The following FBXL20 variants were observed in gnomAD, a reference collection of about 807,000 sequenced individuals.
FBXL20 encodes the protein F-box and leucine rich repeat protein 20.
Under a neutral mutation model 64.0 loss-of-function variants are expected in FBXL20, and 11 were observed. The observed-to-expected ratio is 0.17, with a 90% confidence interval of 0.11 to 0.28. The LOEUF (loss-of-function observed/expected upper bound fraction) is 0.28. Ranked by LOEUF, FBXL20 falls within the 10% of genes least tolerant of loss-of-function variation. The probability of loss-of-function intolerance (pLI) is 1.00; values close to 1 mark genes in which losing one functional copy is unlikely to be tolerated. For missense variants in FBXL20, 303 were observed against 526.2 expected, an observed-to-expected ratio of 0.58 and a Z score of 4.15; for synonymous variants, 184 against 189.0, an observed-to-expected ratio of 0.97 and a Z score of 0.22.
chr17:39,335,719 T>G (rs888061964), intron 2 of FBXL20, among the ~76,000 whole-genome samples: 6 of 152,128 alleles, frequency 3.9e-5, no homozygotes, highest in Admixed American at 3.9e-4. Flanking sequence ...GTACATATGG[T>G]TTTGCTCTAA....
At chr17:39,385,898 C>T (rs1409101252) in intron 1 of FBXL20, among the ~76,000 whole-genome samples, 9 of 151,852 alleles carry the variant, frequency 5.9e-5, no homozygotes, top group African/African-American at 9.7e-5. Context: ...GGCATGGTGG[C>T]GTGTGCCTGT....
At chr17:39,393,244 G>A (rs956481451) in intron 1 of FBXL20, among the ~76,000 whole-genome samples, 7 of 151,830 alleles carry the variant, frequency 4.6e-5, no homozygotes, top group Admixed American at 1.3e-4. Flanking sequence ...AGCTCAGATC[G>A]CGCCATTGCA....
At chr17:39,379,270 ATTG>A (rs2048000059) in intron 1 of FBXL20, among the ~76,000 whole-genome samples, 1 of 151,638 alleles carries the variant, frequency 6.6e-6, no homozygotes, top group African/African-American at 2.4e-5. Flanking sequence ...GAAAATAACA[ATTG>A]TTGGCAGGAT....
Position 39,382,788 on chromosome 17 carries a change from T to C in FBXL20, c.42+18573A>G, listed in dbSNP as rs138640878. ...TCAGGAGTTGCAGGCTGCAGTGAGC[T>C]ATGATCCTACTCTGCACTCTAGCCT... On this transcript the variant is annotated intron_variant, in intron 1 of 14. Coordinates refer to ENST00000264658, the MANE Select transcript of FBXL20 (RefSeq NM_032875.3). 1.7e-3 allele frequency among the ~76,000 whole-genome samples: 259 copies of C among 152,172 alleles called. 9 individuals carry two copies. The highest frequency in any genetic ancestry group is 0.014 in the Admixed American group (218 of 15,258).
At chr17:39,355,778 C>G (rs191694737) in intron 1 of FBXL20, among the ~76,000 whole-genome samples, 6 of 146,798 alleles carry the variant, frequency 4.1e-5, no homozygotes, top group African/African-American at 1.3e-4. Context: ...TCGATTGAAC[C>G]CAGGAGGCAG....
intron 10 of FBXL20, among the ~76,000 whole-genome samples, chr17:39,273,166 G>C (rs1219320388): frequency 6.6e-6 from 1 of 151,850 alleles, no homozygotes; most frequent in Non-Finnish European, 1.5e-5. Flanking sequence ...TACAGGAGTG[G>C]GCCACCACGC....
rs1470941646 is a variant in FBXL20, at chr17:39,258,541, TCAC to T, written c.*2916_*2918del. The T allele has an allele frequency of 1.3e-4, 20 of 152,340 alleles. No homozygotes were observed. In the East Asian group the frequency reaches 2.3e-3, roughly 18 times the overall value. 9.4% of individuals were successfully genotyped at this position (152,340 alleles called of 1,614,324 possible). A position where few individuals can be genotyped will look rare whatever the true frequency, so the allele number is the denominator to read the frequency against. On this transcript the variant is annotated 3_prime_UTR_variant, in exon 15 of 15. Coordinates refer to ENST00000264658, the MANE Select transcript of FBXL20 (RefSeq NM_032875.3). ...CTGGAATTTGCCTTAATAGCAGAGA[TCAC>T]CAGAGCAAGTCCCCATGGACCTGCC...
At position 39,348,086 on chromosome 17, in the gene FBXL20, C is replaced by CTTTTT. The variant is rs3079636; in HGVS notation, c.43-4850_43-4846dup. On this transcript the variant is annotated intron_variant, in intron 1 of 14. Coordinates refer to ENST00000264658, the MANE Select transcript of FBXL20 (RefSeq NM_032875.3). ...TCTCTCTAAACAAGGTTGGGTTCGT[C>CTTTTT]TTTTTTTTTTTTTGGTAGAGAGAGA... Among the ~76,000 whole-genome samples the CTTTTT allele has an allele frequency of 2.6e-4, 38 of 143,670 alleles. 1 individual carries two copies. The highest frequency in any genetic ancestry group is 6.9e-4 in the African/African-American group (27 of 39,004). 94.3% of individuals were successfully genotyped at this position (143,670 alleles called of 152,430 possible).
At chr17:39,291,437 T>C (rs1156640951) in intron 6 of FBXL20, among the ~76,000 whole-genome samples, 5 of 143,920 alleles carry the variant, frequency 3.5e-5, no homozygotes, top group South Asian at 2.2e-4. Context: ...TTTTCTTTTT[T>C]TTTTTTTTTT....
intron 1 of FBXL20, among the ~76,000 whole-genome samples, chr17:39,356,934 G>T (rs1214603164): frequency 6.7e-6 from 1 of 150,264 alleles, no homozygotes; most frequent in Non-Finnish European, 1.5e-5. Context: ...AAAGTGCTGG[G>T]ATTACAGGCA....
chr17:39,331,710 T>C (rs1239243723), intron 2 of FBXL20, among the ~76,000 whole-genome samples: 1 of 152,208 alleles, frequency 6.6e-6, no homozygotes, highest in Non-Finnish European at 1.5e-5. Context: ...GGAAAGGTAA[T>C]TTAATTATTT....
At position 39,401,370 on chromosome 17, in the gene FBXL20, G is replaced by A; in HGVS notation, c.33C>T (p.Ser11=). The change falls in exon 1 of 15, where the codon AGC becomes AGT. Residue 11 remains serine (S), a synonymous_variant. Coordinates refer to ENST00000264658, the MANE Select transcript of FBXL20 (RefSeq NM_032875.3). MRRDVNGVTK[S]RFEMFSNSDE... ...CCCCCCAAGCTCACACCTCAAACCT[G>A]CTCTTGGTCACTCCGTTCACGTCCC... is the stretch of plus-strand genomic sequence containing the variant. The A allele has an allele frequency of 6.2e-7, 1 of 1,612,928 alleles. No homozygotes were observed. Among genetic ancestry groups the A allele is most frequent in the Non-Finnish European group, 8.5e-7 (1 of 1,179,516 alleles).
intron 5 of FBXL20, among the ~76,000 whole-genome samples, chr17:39,298,332 G>A (rs903763175): frequency 6.6e-6 from 1 of 152,100 alleles, no homozygotes; most frequent in African/African-American, 2.4e-5. Context: ...ATGCTGCCTA[G>A]ATTGGTCTTG....
intron 2 of FBXL20, among the ~76,000 whole-genome samples, chr17:39,334,633 A>C (rs2047502731): frequency 6.6e-6 from 1 of 152,194 alleles, no homozygotes; most frequent in Non-Finnish European, 1.5e-5. Context: ...AAAAAATTTC[A>C]TATTCTTTTT....
At chr17:39,300,907 T>G in intron 4 of FBXL20, 94 bp downstream of exon 4, 1 of 1,206,922 alleles carries the variant, frequency 8.3e-7, no homozygotes, top group Non-Finnish European at 1.2e-6. Context: ...AGTTCCTCTC[T>G]TTAACGAAAA....
chr17:39,275,204 A>C (rs1449959346), intron 9 of FBXL20, 104 bp from the exon 10 acceptor site: 1 of 1,212,568 alleles, frequency 8.2e-7, no homozygotes, highest in East Asian at 2.6e-5. Context: ...AAGGAAATCA[A>C]GACATGCTTA....
At chr17:39,339,073 C>T (rs1269145042) in intron 2 of FBXL20, among the ~76,000 whole-genome samples, 1 of 146,458 alleles carries the variant, frequency 6.8e-6, no homozygotes, top group Admixed American at 7.1e-5. Flanking sequence ...GAGGACGAGG[C>T]AGGAGAATCG....
chr17:39,361,170 A>C (rs1250021597), intron 1 of FBXL20, among the ~76,000 whole-genome samples: 1 of 152,044 alleles, frequency 6.6e-6, no homozygotes. Flanking sequence ...CAAGAATTAG[A>C]CCATAATGAA....
At chr17:39,279,015 C>T (rs919871783) in intron 9 of FBXL20, among the ~76,000 whole-genome samples, 16 of 151,502 alleles carry the variant, frequency 1.1e-4, no homozygotes, top group African/African-American at 3.6e-4. Flanking sequence ...CATGGTGGCA[C>T]GCCCTGTAAT....
Sources: allele counts gnomAD v4.1 joint callset (sites outside exome capture counted in the v4.1 genomes callset), GRCh38; gene constraint gnomAD v4.1.1; transcripts MANE v1.5; gene names NCBI Gene and HGNC (gene_info 2026-07-23, HGNC 2026-07-21).